Variants in RPTOR observed in about 807,000 individuals in gnomAD.
RPTOR encodes the protein regulatory associated protein of MTOR complex 1.
Under a neutral mutation model 169.9 loss-of-function variants are expected in RPTOR, and 21 were observed. The observed-to-expected ratio is 0.12, with a 90% CI of 0.09 to 0.18. The LOEUF (loss-of-function observed/expected upper bound fraction) is 0.18. Among genes scored for constraint, RPTOR ranks in the 10% least tolerant of loss-of-function variants. The probability of loss-of-function intolerance (pLI) is 1.00; values close to 1 mark genes in which losing one functional copy is unlikely to be tolerated. For missense variants in RPTOR, 1,133 were observed against 1,855.9 expected, an observed-to-expected ratio of 0.61 and a Z score of 7.16; for synonymous variants, 732 against 753.2, an observed-to-expected ratio of 0.97 and a Z score of 0.46.
chr17:80,862,074 A>C (rs1161064367), intron 13 of RPTOR, among the ~76,000 whole-genome samples: 1 of 152,122 alleles, frequency 6.6e-6, no homozygotes, highest in Admixed American at 6.5e-5. Context: ...CCAGGCAGAT[A>C]CCAGGGCCTC....
At chr17:80,914,637 G>T (rs553125320) in intron 21 of RPTOR, among the ~76,000 whole-genome samples, 1 of 152,350 alleles carries the variant, frequency 6.6e-6, no homozygotes, top group African/African-American at 2.4e-5. Flanking sequence ...GCAACCAGCC[G>T]GCTGTGCACA....
chr17:80,817,854 G>C (rs1192386435), intron 7 of RPTOR, among the ~76,000 whole-genome samples: 2 of 152,186 alleles, frequency 1.3e-5, no homozygotes, highest in Non-Finnish European at 2.9e-5. Context: ...TTCGGAGCTG[G>C]CCTGGCACTC....
At chr17:80,962,016 G>A (rs2069349393) in intron 31 of RPTOR, among the ~76,000 whole-genome samples, 2 of 152,218 alleles carry the variant, frequency 1.3e-5, no homozygotes, top group Non-Finnish European at 2.9e-5. Flanking sequence ...GCCTGCTGGG[G>A]GTGGAAGGCA....
chr17:80,836,247 G>A (rs528453294), intron 9 of RPTOR, among the ~76,000 whole-genome samples: 2 of 152,346 alleles, frequency 1.3e-5, no homozygotes, highest in African/African-American at 2.4e-5. Context: ...CATGGCTCCC[G>A]GTCAGATCTT....
At chr17:80,851,836 C>T (rs1365723583) in intron 11 of RPTOR, among the ~76,000 whole-genome samples, 1 of 152,218 alleles carries the variant, frequency 6.6e-6, no homozygotes, top group South Asian at 2.1e-4. Flanking sequence ...CTCTTCGCCC[C>T]GTCCTGCCAC....
At chr17:80,821,844 A>G (rs933204932) in intron 7 of RPTOR, among the ~76,000 whole-genome samples, 10 of 152,200 alleles carry the variant, frequency 6.6e-5, no homozygotes, top group Admixed American at 5.9e-4. Context: ...AACCCTGCAG[A>G]GCATGATGTG....
At chr17:80,723,227 A>G (rs927038637) in intron 4 of RPTOR, among the ~76,000 whole-genome samples, 4 of 151,300 alleles carry the variant, frequency 2.6e-5, no homozygotes, top group Non-Finnish European at 4.4e-5. Flanking sequence ...ATAATTCATA[A>G]GCATTTGAAG....
At chr17:80,831,253 AC>A (rs1457184364) in intron 9 of RPTOR, among the ~76,000 whole-genome samples, 1 of 152,082 alleles carries the variant, frequency 6.6e-6, no homozygotes, top group Non-Finnish European at 1.5e-5. Context: ...CTGCCCAGAG[AC>A]CAGGCCCCAG....
intron 1 of RPTOR, among the ~76,000 whole-genome samples, chr17:80,559,051 C>T (rs962524618): frequency 9.2e-5 from 14 of 152,278 alleles, no homozygotes; most frequent in Middle Eastern, 6.8e-3. Context: ...AGCAGCTTTC[C>T]ATCTTCCCAG....
chr17:80,579,825 A>G (rs1290738063), intron 1 of RPTOR, among the ~76,000 whole-genome samples: 1 of 152,160 alleles, frequency 6.6e-6, no homozygotes, highest in Non-Finnish European at 1.5e-5. Flanking sequence ...ATTTCAGCGC[A>G]GGTCTTTTTG....
chr17:80,874,251 C>T (rs58995764), intron 13 of RPTOR, among the ~76,000 whole-genome samples: 2,907 of 151,086 alleles, frequency 0.019, 80 homozygotes, highest in African/African-American at 0.066. Context: ...GGCTGGAGTG[C>T]AGTGACATGA....
intron 7 of RPTOR, among the ~76,000 whole-genome samples, chr17:80,799,004 G>A (rs1012052070): frequency 6.6e-6 from 1 of 152,120 alleles, no homozygotes; most frequent in African/African-American, 2.4e-5. Context: ...GTTCACATCT[G>A]TGCCGGCATG....
chr17:80,927,083 G>A (rs1002818317), intron 24 of RPTOR, among the ~76,000 whole-genome samples: 2 of 152,220 alleles, frequency 1.3e-5, no homozygotes, highest in Admixed American at 6.5e-5. Flanking sequence ...GTTAGGAAAG[G>A]AAAGCATACA....
intron 21 of RPTOR, among the ~76,000 whole-genome samples, chr17:80,913,789 G>A (rs888932759): frequency 3.3e-5 from 5 of 152,094 alleles, no homozygotes; most frequent in African/African-American, 9.7e-5. Flanking sequence ...TTCAGACTAT[G>A]TAGAAGTAGA....
chr17:80,586,198 C>T (rs1367349646), intron 1 of RPTOR, among the ~76,000 whole-genome samples: 1 of 152,122 alleles, frequency 6.6e-6, no homozygotes, highest in Non-Finnish European at 1.5e-5. Flanking sequence ...TACTTCAACC[C>T]ATCCTGATCT....
intron 12 of RPTOR, among the ~76,000 whole-genome samples, chr17:80,857,127 A>G (rs1316920519): frequency 2.0e-5 from 3 of 152,206 alleles, no homozygotes; most frequent in Non-Finnish European, 4.4e-5. Context: ...GTGCAGCAGT[A>G]CTTTGCCAGG....
In RPTOR at chr17:80,845,998, G is replaced by A. The variant is rs534840366; in HGVS notation, c.1213-475G>A. Among the ~76,000 whole-genome samples the A allele has an allele frequency of 1.3e-5, 2 of 151,994 alleles. No individual in the cohort carries two copies. The highest frequency in any genetic ancestry group is 1.9e-4 in the East Asian group (1 of 5,150). On this transcript the variant is annotated intron_variant, in intron 10 of 33. Transcript: ENST00000306801. This position sits in a 1 kb window ranked among gnomAD's most constrained non-coding sequence, Gnocchi z 5.4. ...CCAGCTCATCTCCTTGGTCTCCATAGCAGAGGCTCTGTCCTGGGCCCCTTT... is the reference window on the plus strand; with the variant it reads ...CCAGCTCATCTCCTTGGTCTCCATAACAGAGGCTCTGTCCTGGGCCCCTTT...
At chr17:80,956,180 G>T (rs550824957) in intron 28 of RPTOR, among the ~76,000 whole-genome samples, 1 of 152,002 alleles carries the variant, frequency 6.6e-6, no homozygotes, top group African/African-American at 2.4e-5. Context: ...AGGCGCAGGG[G>T]CAGACGATGC....
rs2143839878 is a variant in RPTOR, at chr17:80,883,861, G to A, written c.1731G>A (p.Val577=). The A allele has an allele frequency of 6.2e-7, 1 of 1,613,726 alleles. No individual in the cohort carries two copies. Among genetic ancestry groups the A allele is most frequent in the Non-Finnish European group, 8.5e-7 (1 of 1,180,038 alleles). ...NDPHPLLRQW[V]AICLGRIWQN... ...CGCACCCCTTGCTGCGCCAGTGGGTGGCCATCTGCCTCGGCAGGATCTGGC... is the reference window on the plus strand; with the variant it reads ...CGCACCCCTTGCTGCGCCAGTGGGTAGCCATCTGCCTCGGCAGGATCTGGC... Residue 577 remains valine (V), a synonymous_variant, in exon 16 of 34, where the codon GTG becomes GTA. Transcript: ENST00000306801.
Sources: gnomAD v4.1 joint callset for allele counts (sites outside exome capture counted in the v4.1 genomes callset) on GRCh38, gnomAD v4.1.1 for gene constraint, Gnocchi (gnomAD v3.1) non-coding constraint, MANE v1.5 for transcripts, NCBI Gene and HGNC (gene_info 2026-07-23, HGNC 2026-07-21) for gene names.